LCE1C: variants seen among roughly 807,000 people sequenced by gnomAD.
LCE1C encodes the protein late cornified envelope protein 1C.
Under a neutral mutation model 0.7 loss-of-function variants are expected in LCE1C, and 1 was observed. The observed-to-expected ratio is 1.44, with a 90% confidence interval of 0.51 to 6.83. LCE1C has a LOEUF of 6.83. LCE1C is among the 30% of genes most tolerant of loss of function. The probability of loss-of-function intolerance (pLI) is 0.14; values close to 1 mark genes in which losing one functional copy is unlikely to be tolerated. For synonymous variants in LCE1C, 72 were observed against 57.9 expected (o/e 1.24, Z -1.10); for missense variants, 136 against 149.6 (o/e 0.91, Z 0.48).
chr1:152,805,285 C>T lies in LCE1C; in HGVS notation c.194G>A (p.Gly65Glu), dbSNP rs1369001286. The change falls in exon 2 of 2, where the codon GGG becomes GAG. Residue 65 changes from glycine (G) to glutamate (E), a missense_variant. By Grantham distance (98) the Gly-to-Glu change is moderately conservative. Transcript: ENST00000607093. ...ACCTCCCCCAGAACTGCAGCATCCC[C>T]CAGAGCTGGAGCCACAGCTGCCCCC... The part of the protein sequence containing the change: ...SSGGSCGSSS[G>E]GCCSSGGGGC... 6.2e-7 allele frequency: 1 copy of T among 1,614,006 alleles called. No individual in the cohort carries two copies. The highest frequency in any genetic ancestry group is 1.7e-5 in the Admixed American group (1 of 60,016).
rs758343976 is a variant in LCE1C at position 152,805,188 on chromosome 1, G to A, written c.291C>T (p.Ser97=). The A allele has an allele frequency of 4.3e-6, 7 of 1,613,320 alleles. No homozygotes were observed. Among genetic ancestry groups the A allele is most frequent in the South Asian group, 1.1e-5 (1 of 91,030 alleles). The change falls in exon 2 of 2, where the codon AGC becomes AGT. Residue 97 remains serine, a synonymous_variant. Coordinates refer to ENST00000607093, the MANE Select transcript of LCE1C (RefSeq NM_178351.4). ...CHRPQSSGCC[S]QPSGGSSCCG... Reference sequence around the variant, plus strand: ...AGCAGCTGGAGCCCCCCGAGGGCTGGCTGCAGCAGCCAGAGCTCTGGGGTC... The same window carrying A: ...AGCAGCTGGAGCCCCCCGAGGGCTGACTGCAGCAGCCAGAGCTCTGGGGTC...
Position 152,805,509 on chromosome 1 carries a change from G to A in LCE1C, c.-20-11C>T, listed in dbSNP as rs2101587313. 3.1e-6 allele frequency: 5 copies of A among 1,600,138 alleles called. No individual in the cohort carries two copies. In the African/African-American group the frequency reaches 6.7e-5, roughly 21 times the overall value. ...TGGCGGATTCAGGAGCTGAAAGAGA[G>A]TCAAACAGCAAGTCAGACCTAGGCA... On this transcript the variant is annotated splice_polypyrimidine_tract_variant and intron_variant, in intron 1 of 1. Transcript: ENST00000607093.
intron 1 of LCE1C, 108 bp from the exon 2 acceptor site, chr1:152,805,606 TG>T (rs1652319687): frequency 1.2e-6 from 1 of 866,416 alleles, no homozygotes; most frequent in African/African-American, 1.7e-5. Context: ...ACTGTTCAAA[TG>T]TCATGGTAAA....
At position 152,805,407 on chromosome 1, in the gene LCE1C, G is replaced by A. The variant is rs769851632; in HGVS notation, c.72C>T (p.Cys24=). 16 of 1,613,210 alleles carry A rather than the reference G, an allele frequency of 9.9e-6. No homozygotes were observed. The Admixed American group carries it at 1.8e-4, about 18-fold the overall frequency. ...ACTTTGGGGGACACTTTGGGGTGGGGCACTTGGGAGGGCACTTGGGGGTGC... is the reference window on the plus strand; with the variant it reads ...ACTTTGGGGGACACTTTGGGGTGGGACACTTGGGAGGGCACTTGGGGGTGC... The part of the protein sequence containing the change: ...PKCTPKCPPK[C]PTPKCPPKCP... Residue 24 remains cysteine (C), a synonymous_variant, in exon 2 of 2, where the codon TGC becomes TGT. Coordinates refer to ENST00000607093, the MANE Select transcript of LCE1C (RefSeq NM_178351.4).
In LCE1C at chr1:152,805,281, T is replaced by G. The variant is rs565723067; in HGVS notation, c.198A>C (p.Gly66=). ...AGCCACCTCCCCCAGAACTGCAGCATCCCCCAGAGCTGGAGCCACAGCTGC... is the reference window on the plus strand; with the variant it reads ...AGCCACCTCCCCCAGAACTGCAGCAGCCCCCAGAGCTGGAGCCACAGCTGC... ...SGGSCGSSSG[G]CCSSGGGGCC... Residue 66 remains glycine, a synonymous_variant, in exon 2 of 2, where the codon GGA becomes GGC. Coordinates refer to ENST00000607093, the MANE Select transcript of LCE1C (RefSeq NM_178351.4). 2 of 1,613,462 alleles carry G rather than the reference T, an allele frequency of 1.2e-6. No individual in the cohort carries two copies. Among genetic ancestry groups the G allele is most frequent in the Non-Finnish European group, 8.5e-7 (1 of 1,179,880 alleles).
At position 152,805,308 on chromosome 1, in the gene LCE1C, C is replaced by T. The variant is rs753370924; in HGVS notation, c.171G>A (p.Gly57=). 5.1e-5 allele frequency: 82 copies of T among 1,613,978 alleles called. No homozygotes were observed. Among genetic ancestry groups the T allele is most frequent in the Non-Finnish European group, 6.8e-5 (80 of 1,180,024 alleles). The part of the protein sequence containing the change: ...SSGGCCGSSS[G]GSCGSSSGGC... ...CCCCAGAGCTGGAGCCACAGCTGCC[C>T]CCAGAGCTGGAGCCACAGCAGCCTC... Residue 57 remains glycine, a synonymous_variant, in exon 2 of 2, where the codon GGG becomes GGA. Transcript: ENST00000607093.
chr1:152,805,528 C>T, intron 1 of LCE1C, 30 bp from the exon 2 acceptor site: 1 of 1,542,962 alleles, frequency 6.5e-7, no homozygotes, highest in Non-Finnish European at 8.9e-7. Context: ...CAAGTCAGAC[C>T]TAGGCAGAGG....
At position 152,805,266 on chromosome 1, in the gene LCE1C, C is replaced by G. The variant is rs1455322676; in HGVS notation, c.213G>C (p.Gly71=). ...GGTGGCTCAGGCAGCAGCCACCTCC[C>G]CCAGAACTGCAGCATCCCCCAGAGC... The part of the protein sequence containing the change: ...GSSSGGCCSS[G]GGGCCLSHHR... The change falls in exon 2 of 2, where the codon GGG becomes GGC. Residue 71 remains glycine (G), a synonymous_variant. Coordinates refer to ENST00000607093, the MANE Select transcript of LCE1C (RefSeq NM_178351.4). 1 of 1,613,876 alleles carries G rather than the reference C, an allele frequency of 6.2e-7. No individual in the cohort carries two copies. Among genetic ancestry groups the G allele is most frequent in the Non-Finnish European group, 8.5e-7 (1 of 1,180,004 alleles).
chr1:152,805,490 A>G lies in LCE1C; in HGVS notation c.-12T>C, dbSNP rs764848536. 1.9e-6 allele frequency: 3 copies of G among 1,611,560 alleles called. No individual in the cohort carries two copies. The Admixed American group carries it at 5.0e-5, about 27-fold the overall frequency. ...TGCTGGCAGGACATCTTGGTGGCGGATTCAGGAGCTGAAAGAGAGTCAAAC... is the reference window on the plus strand; with the variant it reads ...TGCTGGCAGGACATCTTGGTGGCGGGTTCAGGAGCTGAAAGAGAGTCAAAC... On this transcript the variant is annotated 5_prime_UTR_variant, in exon 2 of 2. Coordinates refer to ENST00000607093, the MANE Select transcript of LCE1C (RefSeq NM_178351.4).
rs766794610 is a variant in LCE1C, at chr1:152,805,131, G to C, written c.348C>G (p.Gly116=). The C allele has an allele frequency of 2.5e-6, 4 of 1,596,988 alleles. No individual in the cohort carries two copies. The highest frequency in any genetic ancestry group is 3.4e-6 in the Non-Finnish European group (4 of 1,171,870). ...AGGCTCAGGGTCCACTTCAGCAGCA[G>C]CCTCCAGAGTGCTGGCCACTCCCCC... The part of the protein sequence containing the change: ...CGGGSGQHSG[G]CC Residue 116 remains glycine (G), a synonymous_variant, in exon 2 of 2, where the codon GGC becomes GGG. Coordinates refer to ENST00000607093, the MANE Select transcript of LCE1C (RefSeq NM_178351.4).
Position 152,805,187 on chromosome 1 carries a change from G to A in LCE1C, c.292C>T (p.Gln98Ter). Residue 98 changes from glutamine to a stop codon, truncating the protein, a stop_gained, in exon 2 of 2, where the codon CAG becomes TAG. Transcript: ENST00000607093. LOFTEE classifies it high-confidence loss of function. ...HRPQSSGCCSQPSGGSSCCGG... is the reference protein window; with the variant it reads ...HRPQSSGCCS ...CAGCAGCTGGAGCCCCCCGAGGGCT[G>A]GCTGCAGCAGCCAGAGCTCTGGGGT... 1 of 1,613,386 alleles carries A rather than the reference G, an allele frequency of 6.2e-7. No individual in the cohort carries two copies. The highest frequency in any genetic ancestry group is 2.2e-5 in the East Asian group (1 of 44,856).
At position 152,805,097 on chromosome 1, in the gene LCE1C, T is replaced by C. The variant is rs999323258; in HGVS notation, c.*25A>G. ...CTTGGCAGTTTGCGGTCCTGGATTC[T>C]GCTCTTCTAGGCTCAGGGTCCACTT... On this transcript the variant is annotated 3_prime_UTR_variant, in exon 2 of 2. Coordinates refer to ENST00000607093, the MANE Select transcript of LCE1C (RefSeq NM_178351.4). 6.4e-7 allele frequency: 1 copy of C among 1,558,998 alleles called. No individual in the cohort carries two copies. Among genetic ancestry groups the C allele is most frequent in the Non-Finnish European group, 8.7e-7 (1 of 1,154,972 alleles).
intron 1 of LCE1C, among the ~76,000 whole-genome samples, chr1:152,806,319 A>G (rs1652338577): frequency 6.6e-6 from 1 of 152,176 alleles, no homozygotes; most frequent in African/African-American, 2.4e-5. Flanking sequence ...TAAGTGTCCT[A>G]TTTGAAGTTG....
In LCE1C at chr1:152,804,915, G is replaced by A. The variant is rs1459197641; in HGVS notation, c.*207C>T. 4.6e-6 allele frequency: 3 copies of A among 648,806 alleles called. No homozygotes were observed. Among genetic ancestry groups the A allele is most frequent in the African/African-American group, 1.8e-5 (1 of 55,376 alleles). The allele number at this position is 648,806 out of a possible 1,614,324, so 40.2% of individuals were successfully genotyped here. A position where few individuals can be genotyped will look rare whatever the true frequency, so the allele number is the denominator to read the frequency against. Reference sequence around the variant, plus strand: ...AGGGGCTTAGACAGAGCGTGGGAGGGTAGCCACAAAGGTGAGGTCCAAGGC... The same window carrying A: ...AGGGGCTTAGACAGAGCGTGGGAGGATAGCCACAAAGGTGAGGTCCAAGGC... On this transcript the variant is annotated 3_prime_UTR_variant, in exon 2 of 2. Transcript: ENST00000607093.
intron 1 of LCE1C, among the ~76,000 whole-genome samples, chr1:152,806,265 C>T (rs974913125): frequency 5.3e-5 from 8 of 152,320 alleles, no homozygotes; most frequent in African/African-American, 1.7e-4. Flanking sequence ...ACTACTATCT[C>T]CAGCTCAAAT....
rs748322139 is a variant in LCE1C, at chr1:152,805,406, G to A, written c.73C>T (p.Pro25Ser). Residue 25 changes from proline (P) to serine (S), a missense_variant, in exon 2 of 2, where the codon CCC (proline) becomes TCC (serine). Pro to Ser is a moderately conservative substitution (Grantham distance 74, BLOSUM62 -1). Coordinates refer to ENST00000607093, the MANE Select transcript of LCE1C (RefSeq NM_178351.4). ...CACTTTGGGGGACACTTTGGGGTGG[G>A]GCACTTGGGAGGGCACTTGGGGGTG... ...KCTPKCPPKC[P>S]TPKCPPKCPP... 5 of 1,613,554 alleles carry A rather than the reference G, an allele frequency of 3.1e-6. No individual in the cohort carries two copies. In the African/African-American group the frequency reaches 4.0e-5, roughly 13 times the overall value.
chr1:152,806,486 T>C (rs1033656894), intron 1 of LCE1C, 115 bp downstream of exon 1: 4 of 152,438 alleles, frequency 2.6e-5, no homozygotes, highest in Admixed American at 2.6e-4. Flanking sequence ...TTCTGAGGTC[T>C]TGACTTCTAT....
intron 1 of LCE1C, 38 bp from the exon 2 acceptor site, chr1:152,805,536 A>G: frequency 4.9e-6 from 7 of 1,425,696 alleles, no homozygotes; most frequent in African/African-American, 4.3e-5. Flanking sequence ...ACCTAGGCAG[A>G]GGCCACCCCT....
chr1:152,804,971 G>T lies in LCE1C; in HGVS notation c.*151C>A. 1.0e-6 allele frequency: 1 copy of T among 992,910 alleles called. No individual in the cohort carries two copies. The highest frequency in any genetic ancestry group is 2.3e-5 in the Admixed American group (1 of 43,088). 61.5% of individuals were successfully genotyped at this position (992,910 alleles called of 1,614,324 possible). ...AATGGAGATCCAGGAGAGGATCTGAGTTTCTGGACTCCAGGGAAAAGATAT... is the reference window on the plus strand; with the variant it reads ...AATGGAGATCCAGGAGAGGATCTGATTTTCTGGACTCCAGGGAAAAGATAT... On this transcript the variant is annotated 3_prime_UTR_variant, in exon 2 of 2. Coordinates refer to ENST00000607093, the MANE Select transcript of LCE1C (RefSeq NM_178351.4).
Sources: allele counts gnomAD v4.1 joint callset (sites outside exome capture counted in the v4.1 genomes callset), GRCh38; gene constraint gnomAD v4.1.1; transcripts MANE v1.5; gene names NCBI Gene and HGNC (gene_info 2026-07-23, HGNC 2026-07-21).